AKT3: variants seen among roughly 807,000 people sequenced by gnomAD.
AKT3 encodes the protein AKT serine/threonine kinase 3.
AKT3 carries 15 observed loss-of-function variants against 65.3 expected under a neutral mutation model. The ratio of observed to expected loss-of-function variants is 0.23; its 90% CI spans 0.15 to 0.35. The LOEUF (loss-of-function observed/expected upper bound fraction) is 0.35, where lower values mean the gene tolerates loss of function less well. Ranked by LOEUF, AKT3 falls within the 10% of genes least tolerant of loss-of-function variation. The pLI is 1.00. For synonymous variants in AKT3, 206 were observed against 183.8 expected (o/e 1.12, Z -0.98); for missense variants, 243 against 576.5 (o/e 0.42, Z 5.92).
chr1:243,709,574 G>C (rs1214631718), intron 2 of AKT3, among the ~76,000 whole-genome samples: 1 of 151,784 alleles, frequency 6.6e-6, no homozygotes, highest in Non-Finnish European at 1.5e-5. Context: ...TCTTTTTAAA[G>C]TATATAATAT....
intron 8 of AKT3, among the ~76,000 whole-genome samples, chr1:243,612,297 T>A (rs748467486): frequency 6.6e-6 from 1 of 151,870 alleles, no homozygotes; most frequent in Non-Finnish European, 1.5e-5. Context: ...TTATTTTTTG[T>A]AGAGACAAGC....
At chr1:243,820,587 C>T (rs1251274445) in intron 2 of AKT3, among the ~76,000 whole-genome samples, 1 of 152,130 alleles carries the variant, frequency 6.6e-6, no homozygotes, top group African/African-American at 2.4e-5. Flanking sequence ...ACCAGAATAA[C>T]CAGTTTAGAG....
intron 7 of AKT3, among the ~76,000 whole-genome samples, chr1:243,614,090 T>C (rs573054991): frequency 1.3e-5 from 2 of 152,306 alleles, no homozygotes; most frequent in South Asian, 4.1e-4. Flanking sequence ...CAAATTACAC[T>C]AGTTGAAGTT....
rs377046010 is a variant in AKT3 at position 243,551,605 on chromosome 1, G to A, written c.1163+1124C>T. Among the ~76,000 whole-genome samples, 20 of 150,976 alleles carry A rather than the reference G, an allele frequency of 1.3e-4. No individual in the cohort carries two copies. The East Asian group carries it at 2.1e-3, about 16-fold the overall frequency. The stretch of plus-strand genomic sequence containing the variant: ...ATATATATATGAGCATCAACCATAC[G>A]TAAAACATTTTCATAAAACTCTATG... On this transcript the variant is annotated intron_variant, in intron 11 of 13. Transcript: ENST00000673466.
intron 8 of AKT3, among the ~76,000 whole-genome samples, chr1:243,573,714 G>A (rs1226788146): frequency 6.6e-6 from 1 of 151,872 alleles, no homozygotes; most frequent in African/African-American, 2.4e-5. Context: ...ATAATAATTA[G>A]CTACAATGCC....
At chr1:243,828,753 T>C (rs992560872) in intron 2 of AKT3, among the ~76,000 whole-genome samples, 3 of 152,188 alleles carry the variant, frequency 2.0e-5, no homozygotes, top group African/African-American at 7.2e-5. Context: ...TATTAGTAGT[T>C]AAGTTGTGAG....
At chr1:243,629,947 T>C (rs1679480639) in intron 6 of AKT3, among the ~76,000 whole-genome samples, 1 of 152,194 alleles carries the variant, frequency 6.6e-6, no homozygotes, top group East Asian at 1.9e-4. Flanking sequence ...CAGATGACTA[T>C]GGCATATATT....
chr1:243,786,489 T>C (rs1691269468), intron 2 of AKT3, among the ~76,000 whole-genome samples: 1 of 152,238 alleles, frequency 6.6e-6, no homozygotes, highest in Non-Finnish European at 1.5e-5. Flanking sequence ...CCAATCTTAA[T>C]AGCCTGGCCT....
intron 3 of AKT3, among the ~76,000 whole-genome samples, chr1:243,681,420 C>T (rs905783672): frequency 1.3e-5 from 2 of 152,214 alleles, no homozygotes; most frequent in Admixed American, 1.3e-4. Context: ...ACTCTAACTC[C>T]CTCACTCTAC....
At chr1:243,739,767 T>C (rs6429434) in intron 2 of AKT3, among the ~76,000 whole-genome samples, 152,354 of 152,358 alleles carry the variant, frequency 1, 76,175 homozygotes, top group Middle Eastern at 1. Context: ...TCTATCTCCA[T>C]TTTCCCCTTA....
intron 5 of AKT3, among the ~76,000 whole-genome samples, chr1:243,643,458 C>A (rs1158882822): frequency 6.6e-6 from 1 of 152,238 alleles, no homozygotes; most frequent in East Asian, 1.9e-4. Flanking sequence ...GGTAGCTTGG[C>A]TGACCAAGAT....
At chr1:243,526,631 AG>A (rs1204622448) in intron 12 of AKT3, among the ~76,000 whole-genome samples, 1 of 152,118 alleles carries the variant, frequency 6.6e-6, no homozygotes, top group Non-Finnish European at 1.5e-5. Flanking sequence ...ATGACTTGCA[AG>A]GAAGAAATAT....
chr1:243,561,235 C>T (rs1673752940), intron 10 of AKT3, among the ~76,000 whole-genome samples: 1 of 151,862 alleles, frequency 6.6e-6, no homozygotes, highest in Non-Finnish European at 1.5e-5. Context: ...AATAATAGAC[C>T]AGCATGAGTT....
chr1:243,493,632 CAG>C (rs1359579466), intron 13 of AKT3, among the ~76,000 whole-genome samples: 1 of 151,916 alleles, frequency 6.6e-6, no homozygotes, highest in African/African-American at 2.4e-5. Context: ...GTTTAGAAAA[CAG>C]AGTCGGAAAC....
At chr1:243,530,108 G>T (rs1034226597) in intron 12 of AKT3, among the ~76,000 whole-genome samples, 3 of 152,114 alleles carry the variant, frequency 2.0e-5, no homozygotes, top group African/African-American at 7.2e-5. Context: ...CTTAGATGTT[G>T]TTGTTGCATA....
intron 13 of AKT3, among the ~76,000 whole-genome samples, chr1:243,493,129 C>G (rs912313511): frequency 3.3e-5 from 5 of 151,552 alleles, no homozygotes; most frequent in African/African-American, 9.7e-5. Context: ...GACACACACC[C>G]TGGCCTGTCT....
intron 3 of AKT3, among the ~76,000 whole-genome samples, chr1:243,671,078 C>CTTTTTT (rs569050061): frequency 2.2e-5 from 3 of 137,212 alleles, no homozygotes; most frequent in East Asian, 4.1e-4. Flanking sequence ...TAATAGATTC[C>CTTTTTT]TTTTTTTTTT....
chr1:243,548,851 G>A (rs755181633), intron 11 of AKT3, among the ~76,000 whole-genome samples: 6 of 152,108 alleles, frequency 3.9e-5, no homozygotes, highest in Non-Finnish European at 5.9e-5. Flanking sequence ...GTTGACCCTT[G>A]GATAGAACTA....
chr1:243,567,132 T>C (rs975086023), intron 9 of AKT3, among the ~76,000 whole-genome samples: 2 of 151,958 alleles, frequency 1.3e-5, no homozygotes, highest in Non-Finnish European at 2.9e-5. Flanking sequence ...ATACAAAAGA[T>C]TAGCTGTGCG....
Sources: gnomAD v4.1 joint callset for allele counts (sites outside exome capture counted in the v4.1 genomes callset) on GRCh38, gnomAD v4.1.1 for gene constraint, MANE v1.5 for transcripts, NCBI Gene and HGNC (gene_info 2026-07-23, HGNC 2026-07-21) for gene names.